The following LGR4 variants were observed in gnomAD, a reference collection of about 807,000 sequenced individuals.
LGR4 encodes the protein leucine-rich repeat-containing G protein-coupled receptor 4.
LGR4 carries 44 observed loss-of-function variants against 84.8 expected under a neutral mutation model. The ratio of observed to expected loss-of-function variants is 0.52; its 90% CI spans 0.41 to 0.67. The LOEUF is 0.67. LGR4 is among the 30% of genes least tolerant of loss of function. The pLI is 0.00. For synonymous variants in LGR4, 429 were observed against 434.3 expected (o/e 0.99, Z 0.15); for missense variants, 1,032 against 1,131.4 (o/e 0.91, Z 1.26).
At chr11:27,401,944 G>T (rs1341987000) in intron 2 of LGR4, among the ~76,000 whole-genome samples, 2 of 152,210 alleles carry the variant, frequency 1.3e-5, no homozygotes, top group East Asian at 3.8e-4. Context: ...AGTAGAGAGT[G>T]CAAGAGGGGC....
rs1239640329 is a variant in LGR4, at chr11:27,392,696, A to G, written c.258-178T>C. ...ATGATCCTGTGAATCTTCCAATGAG[A>G]TAAATGTCTCTAGAATTTTTTTTTA... On this transcript the variant is annotated intron_variant, in intron 2 of 17. Transcript: ENST00000379214. 3.3e-5 allele frequency among the ~76,000 whole-genome samples: 5 copies of G among 152,314 alleles called. No individual in the cohort carries two copies. In the East Asian group the frequency reaches 9.6e-4, roughly 29 times the overall value.
At chr11:27,373,388 T>C in intron 15 of LGR4, 163 bp downstream of exon 15, 2 of 579,936 alleles carry the variant, frequency 3.4e-6, no homozygotes, top group Non-Finnish European at 5.8e-6. Context: ...TGGAATAATG[T>C]TCATATTCTA....
At chr11:27,383,887 A>G (rs1030949393) in intron 6 of LGR4, among the ~76,000 whole-genome samples, 2 of 152,198 alleles carry the variant, frequency 1.3e-5, no homozygotes, top group African/African-American at 4.8e-5. Flanking sequence ...AACAACAACA[A>G]AAGTATCATA....
chr11:27,376,401 A>T, intron 12 of LGR4, 31 bp from the exon 13 acceptor site: 2 of 1,155,978 alleles, frequency 1.7e-6, no homozygotes, highest in Non-Finnish European at 2.5e-6. Flanking sequence ...AAAGAAGACG[A>T]AGACAAAGAC....
intron 12 of LGR4, 21 bp downstream of exon 12, chr11:27,377,137 A>G (rs1032142000): frequency 1.2e-5 from 18 of 1,478,084 alleles, no homozygotes; most frequent in Non-Finnish European, 1.6e-5. Flanking sequence ...AACAAAAGGA[A>G]TAAGTCAAAG....
chr11:27,424,994 G>A (rs1019400452), intron 1 of LGR4, among the ~76,000 whole-genome samples: 13 of 152,212 alleles, frequency 8.5e-5, no homozygotes, highest in African/African-American at 3.1e-4. Context: ...CAATCCACCC[G>A]CCTCAGGCTC....
At chr11:27,458,837 C>G (rs930258068) in intron 1 of LGR4, among the ~76,000 whole-genome samples, 4 of 152,018 alleles carry the variant, frequency 2.6e-5, no homozygotes, top group Non-Finnish European at 5.9e-5. Flanking sequence ...CCATGCCGGG[C>G]CTTGAATTCA....
rs200350716 is a variant in LGR4 at position 27,464,582 on chromosome 11, T to C, written c.185+7536A>G. 6.6e-5 allele frequency among the ~76,000 whole-genome samples: 10 copies of C among 152,234 alleles called. No individual in the cohort carries two copies. In the East Asian group the frequency reaches 1.7e-3, roughly 26 times the overall value. On this transcript the variant is annotated intron_variant, in intron 1 of 17. Coordinates refer to ENST00000379214, the MANE Select transcript of LGR4 (RefSeq NM_018490.5). ...TCTGCTGTTTACACTAAGAGCTACA[T>C]AAGGAACCTCAAAGCCTGAGGGGAG... is the stretch of plus-strand genomic sequence containing the variant.
At chr11:27,394,692 T>A (rs1042703390) in intron 2 of LGR4, among the ~76,000 whole-genome samples, 1 of 152,142 alleles carries the variant, frequency 6.6e-6, no homozygotes, top group African/African-American at 2.4e-5. Context: ...ATGTTTCACC[T>A]AGCAACCTCA....
chr11:27,378,772 C>T lies in LGR4; in HGVS notation c.972-4G>A, dbSNP rs753246727. ...TATCTTTGTACCTGTCAAAGTCCTGCGGAAAAACATTATTCATGTAAGAAA... is the reference window on the plus strand; with the variant it reads ...TATCTTTGTACCTGTCAAAGTCCTGTGGAAAAACATTATTCATGTAAGAAA... On this transcript the variant is annotated splice_polypyrimidine_tract_variant and splice_region_variant and intron_variant, in intron 10 of 17. Coordinates refer to ENST00000379214, the MANE Select transcript of LGR4 (RefSeq NM_018490.5). 1.7e-5 allele frequency: 27 copies of T among 1,602,238 alleles called. No homozygotes were observed. Among genetic ancestry groups the T allele is most frequent in the African/African-American group, 4.0e-5 (3 of 74,446 alleles).
chr11:27,380,744 A>G (rs769725712), intron 8 of LGR4, 33 bp from the exon 9 acceptor site: 1 of 1,434,946 alleles, frequency 7.0e-7, no homozygotes, highest in Non-Finnish European at 9.8e-7. Flanking sequence ...TAAAATTTTC[A>G]TATGTTCACA....
chr11:27,446,115 C>T (rs1264715739), intron 1 of LGR4, among the ~76,000 whole-genome samples: 1 of 152,114 alleles, frequency 6.6e-6, no homozygotes, highest in Non-Finnish European at 1.5e-5. Context: ...CTATAGAGAG[C>T]TTAAAAATGG....
At chr11:27,370,781 T>C (rs1862868257) in intron 17 of LGR4, among the ~76,000 whole-genome samples, 1 of 152,194 alleles carries the variant, frequency 6.6e-6, no homozygotes, top group Admixed American at 6.5e-5. Context: ...GTACATTCTC[T>C]GGCACATGAA....
intron 1 of LGR4, among the ~76,000 whole-genome samples, chr11:27,437,698 T>TGTGTGTGTGTGTGTG (rs1864235625): frequency 2.6e-5 from 4 of 151,438 alleles, no homozygotes; most frequent in Middle Eastern, 3.4e-3. Flanking sequence ...TGTGTGTGTG[T>TGTGTGTGTGTGTGTG]TTATGCTAAA....
chr11:27,430,831 GGCCCT>G (rs1434410309), intron 1 of LGR4, among the ~76,000 whole-genome samples: 11 of 151,978 alleles, frequency 7.2e-5, no homozygotes, highest in African/African-American at 2.7e-4. Context: ...TCTATATCAA[GGCCCT>G]ACCTGAACTT....
chr11:27,452,242 T>C (rs573935350), intron 1 of LGR4, among the ~76,000 whole-genome samples: 28 of 152,264 alleles, frequency 1.8e-4, no homozygotes, highest in South Asian at 1.2e-3. Flanking sequence ...ATCTGGTATG[T>C]TTGTTGTTGT....
At chr11:27,447,027 G>A (rs973885835) in intron 1 of LGR4, among the ~76,000 whole-genome samples, 24 of 150,112 alleles carry the variant, frequency 1.6e-4, no homozygotes, top group Admixed American at 1.5e-3. Context: ...ACACACCGGG[G>A]CCTGTCATGG....
At chr11:27,443,402 C>T (rs1466214806) in intron 1 of LGR4, among the ~76,000 whole-genome samples, 2 of 152,168 alleles carry the variant, frequency 1.3e-5, no homozygotes, top group Non-Finnish European at 2.9e-5. Context: ...GAGACTCATG[C>T]GTCCCACCTA....
intron 1 of LGR4, among the ~76,000 whole-genome samples, chr11:27,462,173 A>G (rs1864696690): frequency 1.3e-5 from 2 of 152,146 alleles, no homozygotes; most frequent in South Asian, 4.1e-4. Context: ...AGTGTCACAA[A>G]GTCTGGAAGT....
Sources: allele counts gnomAD v4.1 joint callset (sites outside exome capture counted in the v4.1 genomes callset), GRCh38; gene constraint gnomAD v4.1.1; transcripts MANE v1.5; gene names NCBI Gene and HGNC (gene_info 2026-07-23, HGNC 2026-07-21).